CAST: variants seen among roughly 807,000 people sequenced by gnomAD.
CAST encodes the protein MIR583 host.
In CAST, 76 loss-of-function variants were observed where a neutral mutation model predicts 119.6. The ratio of observed to expected loss-of-function variants is 0.64; its 90% CI spans 0.53 to 0.77. The LOEUF (loss-of-function observed/expected upper bound fraction) is 0.77, where lower values mean the gene tolerates loss of function less well. CAST is among the 30% of genes least tolerant of loss of function. The pLI is 0.00. For missense variants in CAST, 953 were observed against 946.5 expected (o/e 1.01, Z -0.09); for synonymous variants, 319 against 331.6 (o/e 0.96, Z 0.41).
the CAST span, among the ~76,000 whole-genome samples, chr5:96,329,186 G>T: frequency 1.3e-5 from 2 of 152,200 alleles, no homozygotes; most frequent in East Asian, 3.8e-4. Flanking sequence ...GAAACCACTT[G>T]GGTATGTGCA....
the CAST span, among the ~76,000 whole-genome samples, chr5:96,024,358 C>T: frequency 6.6e-6 from 1 of 152,110 alleles, no homozygotes; most frequent in Non-Finnish European, 1.5e-5. Context: ...ACTTTCTGCA[C>T]TTGAAAATCA....
the CAST span, among the ~76,000 whole-genome samples, chr5:95,986,962 A>G: frequency 1.3e-5 from 2 of 152,120 alleles, no homozygotes; most frequent in African/African-American, 2.4e-5. Context: ...GGCAGAAAGG[A>G]GATGGAGAGG....
Position 96,770,565 on chromosome 5 carries a change from C to A in CAST, c.2303C>A (p.Ala768Glu), listed in dbSNP as rs1771919066. ...AAGAAGGCTGCTTCCAGCTCCAAAG[C>A]ACCTAAGAATGGAGGTAAAGCGAAG... is the stretch of plus-strand genomic sequence containing the variant. ...KCKKAASSSKAPKNGGKAKDS... is the reference protein window; with the variant it reads ...KCKKAASSSKEPKNGGKAKDS... Residue 768 changes from alanine to glutamate, a missense_variant, in exon 30 of 32, where the codon GCA (alanine) becomes GAA (glutamate). By Grantham distance (107) the Ala-to-Glu change is moderately radical (BLOSUM62 -1). Coordinates refer to ENST00000675179, the MANE Select transcript of CAST (RefSeq NM_001750.7). The A allele has an allele frequency of 9.3e-6, 15 of 1,613,002 alleles. No individual in the cohort carries two copies. The highest frequency in any genetic ancestry group is 1.3e-5 in the Non-Finnish European group (15 of 1,179,188).
the CAST span, among the ~76,000 whole-genome samples, chr5:96,162,271 T>C: frequency 2.0e-4 from 31 of 152,342 alleles, no homozygotes; most frequent in Admixed American, 1.4e-3. Flanking sequence ...CATTTATCAT[T>C]TTGAGAAAGT....
At chr5:96,574,612 A>G (rs1580831018) in intron 1 of CAST, among the ~76,000 whole-genome samples, 1 of 152,318 alleles carries the variant, frequency 6.6e-6, no homozygotes, top group Admixed American at 6.5e-5. Flanking sequence ...CTCTTTGCCT[A>G]GCCCTAATTC....
the CAST span, among the ~76,000 whole-genome samples, chr5:96,025,469 T>C: frequency 2.0e-4 from 30 of 152,054 alleles, 1 homozygote; most frequent in Non-Finnish European, 4.1e-4. Flanking sequence ...ATATATAAAT[T>C]TGGGGGGGAC....
the CAST span, among the ~76,000 whole-genome samples, chr5:96,398,019 C>T: frequency 7.2e-5 from 11 of 152,012 alleles, no homozygotes; most frequent in Admixed American, 5.9e-4. Flanking sequence ...AGACAGGTTA[C>T]CTGTAAATTT....
At chr5:96,202,474 G>A in the CAST span, among the ~76,000 whole-genome samples, 1 of 152,018 alleles carries the variant, frequency 6.6e-6, no homozygotes, top group Non-Finnish European at 1.5e-5. Context: ...GAAGAGAGTT[G>A]TAATAGATTA....
At chr5:96,205,267 C>T in the CAST span, among the ~76,000 whole-genome samples, 143 of 152,162 alleles carry the variant, frequency 9.4e-4, 1 homozygote, top group South Asian at 4.4e-3. Flanking sequence ...CCCACTTTAT[C>T]AATTTTTCCT....
intron 1 of CAST, among the ~76,000 whole-genome samples, chr5:96,672,166 CTG>C (rs1366453897): frequency 6.6e-6 from 1 of 152,068 alleles, no homozygotes; most frequent in Non-Finnish European, 1.5e-5. Flanking sequence ...TTCAGGATGT[CTG>C]TGATTTACTT....
At chr5:96,692,246 A>C (rs1160006518) in intron 2 of CAST, among the ~76,000 whole-genome samples, 1 of 152,112 alleles carries the variant, frequency 6.6e-6, no homozygotes, top group African/African-American at 2.4e-5. Context: ...GCTGATGTTA[A>C]GGAGTATAAG....
the CAST span, among the ~76,000 whole-genome samples, chr5:95,975,057 A>T: frequency 6.6e-6 from 1 of 152,150 alleles, no homozygotes. Context: ...AGTGGCATGC[A>T]TGGGCAGAAG....
At chr5:96,699,959 T>C (rs1443527926) in intron 3 of CAST, among the ~76,000 whole-genome samples, 1 of 152,234 alleles carries the variant, frequency 6.6e-6, no homozygotes, top group Non-Finnish European at 1.5e-5. Flanking sequence ...GGAGGAGATC[T>C]ATGAAGGAAT....
At chr5:96,642,478 T>C (rs1747962801) in intron 1 of CAST, among the ~76,000 whole-genome samples, 1 of 151,772 alleles carries the variant, frequency 6.6e-6, no homozygotes, top group African/African-American at 2.4e-5. Context: ...AAACACTTTG[T>C]GGCACTATTT....
chr5:96,424,782 A>C, the CAST span, among the ~76,000 whole-genome samples: 1 of 151,952 alleles, frequency 6.6e-6, no homozygotes, highest in Non-Finnish European at 1.5e-5. Context: ...GACCAATGTG[A>C]CAAAACCCCA....
intron 1 of CAST, among the ~76,000 whole-genome samples, chr5:96,614,526 A>G (rs1747419070): frequency 6.6e-6 from 1 of 152,222 alleles, no homozygotes. Context: ...TAACCAAGAA[A>G]AGGAAACATG....
At chr5:96,167,953 T>A in the CAST span, among the ~76,000 whole-genome samples, 11 of 152,318 alleles carry the variant, frequency 7.2e-5, no homozygotes, top group South Asian at 1.9e-3. Flanking sequence ...TGAGAAGTGA[T>A]TTCCTTAAGG....
the CAST span, chr5:96,423,462 G>C: frequency 1.1e-5 from 18 of 1,613,566 alleles, no homozygotes; most frequent in Non-Finnish European, 1.5e-5. Flanking sequence ...GTATCTTGCT[G>C]GTAAAGAAAA....
the CAST span, among the ~76,000 whole-genome samples, chr5:96,414,000 G>A: frequency 3.4e-5 from 5 of 147,614 alleles, no homozygotes; most frequent in African/African-American, 7.5e-5. Context: ...TTAGCCGGGC[G>A]TAGTGGCGGG....
Sources: allele counts gnomAD v4.1 joint callset (sites outside exome capture counted in the v4.1 genomes callset), GRCh38; gene constraint gnomAD v4.1.1; transcripts MANE v1.5; gene names NCBI Gene and HGNC (gene_info 2026-07-23, HGNC 2026-07-21).